Variants in IL16 observed in about 807,000 individuals in gnomAD.
The protein encoded by IL16 is pro-interleukin-16.
Under a neutral mutation model 110.1 loss-of-function variants are expected in IL16, and 67 were observed. The ratio of observed to expected loss-of-function variants is 0.61; its 90% confidence interval spans 0.50 to 0.75. The LOEUF is 0.75. IL16 is among the 30% of genes least tolerant of loss of function. IL16 has a pLI of 0.00. For synonymous variants in IL16, 689 were observed against 662.9 expected (o/e 1.04, Z -0.61); for missense variants, 1,545 against 1,655.0 (o/e 0.93, Z 1.15).
At chr15:81,236,570 C>T (rs866451499) in intron 2 of IL16, among the ~76,000 whole-genome samples, 14 of 152,310 alleles carry the variant, frequency 9.2e-5, no homozygotes, top group African/African-American at 2.9e-4. Context: ...TTGTACTATT[C>T]CTGAAAGCTA....
intron 2 of IL16, among the ~76,000 whole-genome samples, chr15:81,230,553 A>G (rs946393027): frequency 6.6e-6 from 1 of 152,176 alleles, no homozygotes; most frequent in African/African-American, 2.4e-5. Context: ...GTGTAAGCAT[A>G]GTTAATTCTG....
chr15:81,243,164 T>TATATACATATATATATATA (rs60077602), intron 2 of IL16, among the ~76,000 whole-genome samples: 2 of 15,756 alleles, frequency 1.3e-4, no homozygotes, highest in East Asian at 1.3e-3. Flanking sequence ...TATATATATA[T>TATATACATATATATATATA]TTTTTTTTTT....
chr15:81,247,711 G>C (rs1394971707), intron 2 of IL16, among the ~76,000 whole-genome samples: 2 of 152,048 alleles, frequency 1.3e-5, no homozygotes, highest in East Asian at 3.9e-4. Flanking sequence ...ATACCAAAGT[G>C]CTCCCTCGCC....
At chr15:81,284,785 A>G (rs1036330227) in intron 9 of IL16, among the ~76,000 whole-genome samples, 1 of 152,150 alleles carries the variant, frequency 6.6e-6, no homozygotes, top group Non-Finnish European at 1.5e-5. Context: ...GTTTTAATAA[A>G]ATTATATTGG....
chr15:81,243,176 T>TG, intron 2 of IL16, among the ~76,000 whole-genome samples: 1 of 78,134 alleles, frequency 1.3e-5, no homozygotes, highest in South Asian at 5.6e-4. Flanking sequence ...TTTTTTTTTT[T>TG]TTTTTTTTTT....
At chr15:81,304,719 A>G (rs1476451429) in intron 16 of IL16, among the ~76,000 whole-genome samples, 1 of 152,108 alleles carries the variant, frequency 6.6e-6, no homozygotes, top group Admixed American at 6.5e-5. Context: ...TTGGCCTAAA[A>G]ATCCTCTAGC....
intron 9 of IL16, among the ~76,000 whole-genome samples, chr15:81,283,005 T>C (rs1899258989): frequency 6.6e-6 from 1 of 152,088 alleles, no homozygotes; most frequent in South Asian, 2.1e-4. Context: ...GGAGTGAGGC[T>C]TTGCACCCCA....
chr15:81,196,793 C>T (rs1895609782), upstream of IL16: 6 of 1,074,734 alleles, frequency 5.6e-6, no homozygotes, highest in Non-Finnish European at 6.9e-6. Context: ...CACTGGCAGC[C>T]CCCCTTTTTG....
intron 1 of IL16, among the ~76,000 whole-genome samples, chr15:81,197,465 C>T (rs1895638907): frequency 6.6e-6 from 1 of 152,138 alleles, no homozygotes; most frequent in Non-Finnish European, 1.5e-5. Flanking sequence ...TCAGCCTCGT[C>T]TCATCCTTGG....
chr15:81,208,091 C>G (rs1181802301), intron 1 of IL16, among the ~76,000 whole-genome samples: 1 of 152,082 alleles, frequency 6.6e-6, no homozygotes, highest in Non-Finnish European at 1.5e-5. Flanking sequence ...GAGATGATAT[C>G]TCATGATTTT....
chr15:81,207,131 G>C (rs936975159), intron 1 of IL16, among the ~76,000 whole-genome samples: 43 of 151,820 alleles, frequency 2.8e-4, no homozygotes, highest in African/African-American at 8.9e-4. Context: ...AGCTCCCCTG[G>C]GGAGGCTGAG....
At chr15:81,262,698 G>A (rs1006905913) in intron 3 of IL16, among the ~76,000 whole-genome samples, 124 of 152,294 alleles carry the variant, frequency 8.1e-4, no homozygotes, top group African/African-American at 2.8e-3. Flanking sequence ...TTGGGAGGCC[G>A]AGGTGGGTGG....
upstream of IL16, among the ~76,000 whole-genome samples, chr15:81,194,897 A>C (rs1295067701): frequency 6.6e-6 from 1 of 152,142 alleles, no homozygotes; most frequent in Non-Finnish European, 1.5e-5. Flanking sequence ...CTCTTGGTTG[A>C]GCTTCAAGTG....
At chr15:81,215,949 A>G (rs914736125) in intron 1 of IL16, among the ~76,000 whole-genome samples, 6 of 152,170 alleles carry the variant, frequency 3.9e-5, no homozygotes, top group Admixed American at 3.9e-4. Context: ...AGGTGGAGCA[A>G]TGCGCTCAGG....
At chr15:81,266,560 C>T (rs1898391767) in intron 4 of IL16, among the ~76,000 whole-genome samples, 1 of 152,200 alleles carries the variant, frequency 6.6e-6, no homozygotes, top group Non-Finnish European at 1.5e-5. Flanking sequence ...TCAGCCCCAG[C>T]CAAAGCACGC....
rs758735734 is a variant in IL16 at position 81,273,164 on chromosome 15, T to G, written c.750T>G (p.Phe250Leu). 3 of 1,613,774 alleles carry G rather than the reference T, an allele frequency of 1.9e-6. No individual in the cohort carries two copies. The highest frequency in any genetic ancestry group is 3.3e-5 in the Admixed American group (2 of 60,008). Residue 250 changes from phenylalanine to leucine, a missense_variant, in exon 6 of 19, where the codon TTT (phenylalanine) becomes TTG (leucine). Coordinates refer to ENST00000683961, the MANE Select transcript of IL16 (RefSeq NM_172217.5). ...GPIGIYVKTI[F>L]AGGAAAADGR... ...TTGGGATTTACGTCAAAACCATTTTTGCAGGGGGAGCAGCAGCAGCCGATG... is the reference window on the plus strand; with the variant it reads ...TTGGGATTTACGTCAAAACCATTTTGGCAGGGGGAGCAGCAGCAGCCGATG...
At chr15:81,259,721 C>T (rs1437012743) in intron 2 of IL16, 51 bp from the exon 3 acceptor site, 2 of 1,325,082 alleles carry the variant, frequency 1.5e-6, no homozygotes, top group Admixed American at 1.7e-5. Flanking sequence ...TTGCTAAGCA[C>T]AAGTTTTCTA....
At chr15:81,259,245 G>A (rs911820951) in intron 2 of IL16, among the ~76,000 whole-genome samples, 1 of 152,198 alleles carries the variant, frequency 6.6e-6, no homozygotes, top group African/African-American at 2.4e-5. Flanking sequence ...GCAAGTGCCT[G>A]TTATGTGCCA....
At position 81,313,109 on chromosome 15, in the gene IL16, G is replaced by C. The variant is rs1900950161; in HGVS notation, c.*4311G>C. ...GCAGGAAGGGTGGGCTGCCGCCTCT[G>C]GTTGGCATTCTCAGAGATGCGCAGT... is the stretch of plus-strand genomic sequence containing the variant. On this transcript the variant is annotated 3_prime_UTR_variant, in exon 19 of 19. Coordinates refer to ENST00000683961, the MANE Select transcript of IL16 (RefSeq NM_172217.5). The C allele has an allele frequency of 6.1e-6, 6 of 983,842 alleles. No homozygotes were observed. The highest frequency in any genetic ancestry group is 8.4e-6 in the Non-Finnish European group (6 of 717,492). 60.9% of individuals were successfully genotyped at this position (983,842 alleles called of 1,614,324 possible).
Sources: gnomAD v4.1 joint callset for allele counts (sites outside exome capture counted in the v4.1 genomes callset) on GRCh38, gnomAD v4.1.1 for gene constraint, MANE v1.5 for transcripts, NCBI Gene and HGNC (gene_info 2026-07-23, HGNC 2026-07-21) for gene names.